The following GJA5 variants were observed in gnomAD, a reference collection of about 807,000 sequenced individuals.
The protein encoded by GJA5 is gap junction protein alpha 5.
GJA5 carries 3 observed loss-of-function variants against 7.9 expected under a neutral mutation model. The observed-to-expected ratio is 0.38, with a 90% confidence interval of 0.17 to 0.99. The LOEUF (loss-of-function observed/expected upper bound fraction) is 0.99, where lower values mean the gene tolerates loss of function less well. Ranked by LOEUF, GJA5 falls within the 50% of genes least tolerant of loss-of-function variation. The pLI is 0.38. For missense variants in GJA5, 390 were observed against 457.9 expected (o/e 0.85, Z 1.35); for synonymous variants, 193 against 181.0 (o/e 1.07, Z -0.53).
chr1:147,758,678 C>A lies in GJA5; in HGVS notation c.561G>T (p.Arg187Ser). 6.2e-7 allele frequency: 1 copy of A among 1,614,160 alleles called. No homozygotes were observed. The highest frequency in any genetic ancestry group is 8.5e-7 in the Non-Finnish European group (1 of 1,180,018). ...AGTTGACCGGGTGGGGACAGGGACT[C>A]CTGCGGCAGACATGCAGGGTGGTCA... ...IFLTTLHVCR[R>S]SPCPHPVNCY... The change falls in exon 2 of 2, where the codon AGG (arginine) becomes AGT (serine). Residue 187 changes from arginine to serine, a missense_variant. Transcript: ENST00000579774.
rs1663881970 is a variant in GJA5 at position 147,759,081 on chromosome 1, C to T, written c.158G>A (p.Arg53Gln). ...GCAGCCAGGCTGAATCGTATCACAC[C>T]GGAAATCAGCCTGCTCATCCCCCCA... ...SSWGDEQADF[R>Q]CDTIQPGCQN... Residue 53 changes from arginine to glutamine, a missense_variant, in exon 2 of 2, where the codon CGG becomes CAG. This residue lies in a region of GJA5 where 36 missense variants were observed against 87.1 expected (regional missense o/e 0.41). Coordinates refer to ENST00000579774, the MANE Select transcript of GJA5 (RefSeq NM_181703.4). The T allele has an allele frequency of 6.2e-7, 1 of 1,612,632 alleles. No individual in the cohort carries two copies. The highest frequency in any genetic ancestry group is 1.3e-5 in the African/African-American group (1 of 75,024).
chr1:147,758,231 G>C lies in GJA5; in HGVS notation c.1008C>G (p.Gly336=). The change falls in exon 2 of 2, where the codon GGC becomes GGG. Residue 336 remains glycine, a synonymous_variant. Transcript: ENST00000579774. ...TAAGACGTCGCTTGTCACTATGATA[G>C]CCATGGGGAAGGCGGTGACCTGGTG... ...GVSPGHRLPH[G]YHSDKRRLSK... The C allele has an allele frequency of 6.2e-7, 1 of 1,614,122 alleles. No individual in the cohort carries two copies. The highest frequency in any genetic ancestry group is 1.1e-5 in the South Asian group (1 of 91,072).
At position 147,768,929 on chromosome 1, in the gene GJA5, T is replaced by C. The variant is rs1664305223; in HGVS notation, c.-34+4323A>G. The stretch of plus-strand genomic sequence containing the variant: ...TGACAAGAGAAAGAAAACCAAGGAC[T>C]AGGACTGATAGATGATGATAAGCCC... On this transcript the variant is annotated intron_variant, in intron 1 of 1. Coordinates refer to the GJA5 transcript ENST00000430508. Among the ~76,000 whole-genome samples, 3 of 152,208 alleles carry C rather than the reference T, an allele frequency of 2.0e-5. No individual in the cohort carries two copies. The South Asian group carries it at 6.2e-4, about 31-fold the overall frequency.
At chr1:147,767,121 A>G (rs1407527698) in intron 1 of GJA5, among the ~76,000 whole-genome samples, 1 of 152,196 alleles carries the variant, frequency 6.6e-6, no homozygotes, top group Non-Finnish European at 1.5e-5. Flanking sequence ...TCTCCTTAAA[A>G]TGGGTATGTA....
At chr1:147,762,638 G>A (rs1664062245), upstream of GJA5, among the ~76,000 whole-genome samples, 1 of 152,204 alleles carries the variant, frequency 6.6e-6, no homozygotes, top group Non-Finnish European at 1.5e-5. Flanking sequence ...AGAGGAAATA[G>A]GGTGAAGGGT....
At chr1:147,772,988 G>T (rs587744159) in intron 1 of GJA5, among the ~76,000 whole-genome samples, 1 of 152,096 alleles carries the variant, frequency 6.6e-6, no homozygotes, top group Non-Finnish European at 1.5e-5. Flanking sequence ...CACAAAAGTA[G>T]GCTGGAACCC....
At position 147,760,488 on chromosome 1, in the gene GJA5, G is replaced by A. The variant is rs1477271005; in HGVS notation, c.-34+11C>T. ...CTCTTCAGCTCCTGTGATGGCCCCCGGGACACTTACTCGTCTCCCAGTGCT... is the reference window on the plus strand; with the variant it reads ...CTCTTCAGCTCCTGTGATGGCCCCCAGGACACTTACTCGTCTCCCAGTGCT... On this transcript the variant is annotated intron_variant, in intron 1 of 1. Transcript: ENST00000579774. 2 of 152,368 alleles carry A rather than the reference G, an allele frequency of 1.3e-5. No homozygotes were observed. Among genetic ancestry groups the A allele is most frequent in the African/African-American group, 4.8e-5 (2 of 41,536 alleles). The allele number at this position is 152,368 out of a possible 1,614,324, so 9.4% of individuals were successfully genotyped here.
chr1:147,768,846 C>A (rs1664301647), intron 1 of GJA5, among the ~76,000 whole-genome samples: 1 of 152,190 alleles, frequency 6.6e-6, no homozygotes, highest in Non-Finnish European at 1.5e-5. Context: ...GCAAATGCTG[C>A]ATAAAGGGTT....
chr1:147,757,742 G>C lies in GJA5; in HGVS notation c.*420C>G. ...GCTGTCTATTGGCTGGGAACTTTGA[G>C]CTCTTCCTTGGAGGAGGGAGGGTGA... On this transcript the variant is annotated 3_prime_UTR_variant, in exon 2 of 2. Coordinates refer to ENST00000579774, the MANE Select transcript of GJA5 (RefSeq NM_181703.4). 1 of 221,370 alleles carries C rather than the reference G, an allele frequency of 4.5e-6. No homozygotes were observed. Among genetic ancestry groups the C allele is most frequent in the South Asian group, 8.0e-5 (1 of 12,570 alleles). The allele number at this position is 221,370 out of a possible 1,614,324, so 13.7% of individuals were successfully genotyped here.
chr1:147,770,507 A>G (rs1208510374), intron 1 of GJA5, among the ~76,000 whole-genome samples: 1 of 152,190 alleles, frequency 6.6e-6, no homozygotes, highest in South Asian at 2.1e-4. Context: ...AAGCCTTTCT[A>G]TTTGATAGCC....
upstream of GJA5, among the ~76,000 whole-genome samples, chr1:147,762,785 G>C (rs183790028): frequency 2.3e-4 from 35 of 152,298 alleles, no homozygotes; most frequent in African/African-American, 8.2e-4. Flanking sequence ...GGCTCCCTTT[G>C]GATACCCCAT....
chr1:147,759,071 C>A lies in GJA5; in HGVS notation c.168G>T (p.Thr56=), dbSNP rs1553227079. ...AGACATTCTGGCAGCCAGGCTGAAT[C>A]GTATCACACCGGAAATCAGCCTGCT... ...GDEQADFRCD[T]IQPGCQNVCY... is the part of the protein sequence containing the mutation. Residue 56 remains threonine (T), a synonymous_variant, in exon 2 of 2, where the codon ACG becomes ACT. Coordinates refer to ENST00000579774, the MANE Select transcript of GJA5 (RefSeq NM_181703.4). 2 of 1,612,926 alleles carry A rather than the reference C, an allele frequency of 1.2e-6. No homozygotes were observed. The highest frequency in any genetic ancestry group is 2.2e-5 in the East Asian group (1 of 44,874).
rs1190447114 is a variant in GJA5, at chr1:147,757,235, T to G, written c.*927A>C. 6.6e-6 allele frequency: 1 copy of G among 152,226 alleles called. No homozygotes were observed. Among genetic ancestry groups the G allele is most frequent in the East Asian group, 1.9e-4 (1 of 5,196 alleles). The allele number at this position is 152,226 out of a possible 1,614,324, so 9.4% of individuals were successfully genotyped here. The stretch of plus-strand genomic sequence containing the variant: ...CTGGCCTCAGTGGCTGATGATCTGG[T>G]CAGGGTTCGAGAGAGGACAACAGCT... On this transcript the variant is annotated 3_prime_UTR_variant, in exon 2 of 2. Transcript: ENST00000579774.
chr1:147,757,414 A>G lies in GJA5; in HGVS notation c.*748T>C, dbSNP rs1553226620. On this transcript the variant is annotated 3_prime_UTR_variant, in exon 2 of 2. Transcript: ENST00000579774. ...GAATTCCAGTAGAGTTTGTGTGTAC[A>G]GTGACTCCCTAGCAGGGCTGACACC... 6.5e-6 allele frequency: 1 copy of G among 152,792 alleles called. No homozygotes were observed. Among genetic ancestry groups the G allele is most frequent in the African/African-American group, 2.4e-5 (1 of 41,448 alleles). 9.5% of individuals were successfully genotyped at this position (152,792 alleles called of 1,614,324 possible).
At chr1:147,764,193 C>T (rs1321115001), upstream of GJA5, among the ~76,000 whole-genome samples, 3 of 152,134 alleles carry the variant, frequency 2.0e-5, no homozygotes, top group South Asian at 4.1e-4. Context: ...TAATCATAAA[C>T]TCATAGCCAG....
At chr1:147,766,820 T>G (rs146125934) in intron 1 of GJA5, among the ~76,000 whole-genome samples, 504 of 152,302 alleles carry the variant, frequency 3.3e-3, no homozygotes, top group Non-Finnish European at 6.0e-3. Flanking sequence ...GCCCATGCTA[T>G]AATTCCACTC....
chr1:147,767,210 G>A (rs1454733577), intron 1 of GJA5, among the ~76,000 whole-genome samples: 1 of 151,966 alleles, frequency 6.6e-6, no homozygotes, highest in Non-Finnish European at 1.5e-5. Context: ...TCCCAACTAC[G>A]TCTTCTAGTT....
At position 147,758,730 on chromosome 1, in the gene GJA5, C is replaced by T; in HGVS notation, c.509G>A (p.Gly170Asp). 6.2e-7 allele frequency: 1 copy of T among 1,614,148 alleles called. No homozygotes were observed. The highest frequency in any genetic ancestry group is 8.5e-7 in the Non-Finnish European group (1 of 1,180,004). The change falls in exon 2 of 2, where the codon GGC becomes GAC. Residue 170 changes from glycine (G) to aspartate (D), a missense_variant. By Grantham distance (94) the Gly-to-Asp change is moderately conservative. This residue lies in a region of GJA5 where 354 missense variants were observed against 370.9 expected (regional missense o/e 0.95). Transcript: ENST00000579774. ...RTTMEVGFIVGQYFIYGIFLT... is the reference protein window; with the variant it reads ...RTTMEVGFIVDQYFIYGIFLT... ...GAAGATTCCGTAGATGAAGTACTGG[C>T]CCACAATGAAGCCCACCTCCATGGT...
upstream of GJA5, among the ~76,000 whole-genome samples, chr1:147,765,451 C>T (rs187139954): frequency 6.6e-6 from 1 of 152,288 alleles, no homozygotes; most frequent in African/African-American, 2.4e-5. Flanking sequence ...AATTCTTAGA[C>T]CTTCGAGAGG....
Sources: allele counts gnomAD v4.1 joint callset (sites outside exome capture counted in the v4.1 genomes callset), GRCh38; gene constraint gnomAD v4.1.1; regional missense constraint gnomAD v4.1.1; transcripts MANE v1.5; gene names NCBI Gene and HGNC (gene_info 2026-07-23, HGNC 2026-07-21).